Variants in MCL1 observed in about 807,000 individuals in gnomAD.
The protein encoded by MCL1 is MCL1 apoptosis regulator, BCL2 family member, also known as induced myeloid leukemia cell differentiation protein Mcl-1.
A neutral mutation model predicts 24.2 loss-of-function variants in MCL1; 4 were observed. That is an observed-to-expected ratio of 0.17 (90% CI 0.08 to 0.38). The LOEUF (loss-of-function observed/expected upper bound fraction) is 0.38, where lower values mean the gene tolerates loss of function less well. Ranked by LOEUF, MCL1 falls within the 10% of genes least tolerant of loss-of-function variation. The pLI is 1.00. For synonymous variants in MCL1, 248 were observed against 214.0 expected (o/e 1.16, Z -1.39); for missense variants, 529 against 480.3 (o/e 1.10, Z -0.95).
In MCL1 at chr1:150,574,563, A is replaced by C; in HGVS notation, c.*2812T>G. ...GACCCATATCACACCCTGTATTTGAATAAAAGATTTATTTTTTTTTCTCAG... is the reference window on the plus strand; with the variant it reads ...GACCCATATCACACCCTGTATTTGACTAAAAGATTTATTTTTTTTTCTCAG... On this transcript the variant is annotated 3_prime_UTR_variant, in exon 3 of 3. Coordinates refer to ENST00000369026, the MANE Select transcript of MCL1 (RefSeq NM_021960.5). 4.4e-6 allele frequency: 1 copy of C among 225,192 alleles called. No individual in the cohort carries two copies. The highest frequency in any genetic ancestry group is 5.7e-5 in the Admixed American group (1 of 17,506). The allele number at this position is 225,192 out of a possible 1,614,324, so 13.9% of individuals were successfully genotyped here.
rs74124936 is a variant in MCL1, at chr1:150,577,012, C to G, written c.*363G>C. 1 of 286,672 alleles carries G rather than the reference C, an allele frequency of 3.5e-6. No homozygotes were observed. Among genetic ancestry groups the G allele is most frequent in the Non-Finnish European group, 6.7e-6 (1 of 148,366 alleles). The allele number at this position is 286,672 out of a possible 1,614,324, so 17.8% of individuals were successfully genotyped here. ...CACTACAGTAAATTAATGAATTCGG[C>G]GGGTAATCAATTCTATGACTTGCCT... On this transcript the variant is annotated 3_prime_UTR_variant, in exon 3 of 3. Coordinates refer to ENST00000369026, the MANE Select transcript of MCL1 (RefSeq NM_021960.5).
chr1:150,579,574 C>T lies in MCL1; in HGVS notation c.-44G>A, dbSNP rs754200797. 1.3e-6 allele frequency: 2 copies of T among 1,556,454 alleles called. No individual in the cohort carries two copies. Among genetic ancestry groups the T allele is most frequent in the Non-Finnish European group, 1.7e-6 (2 of 1,149,538 alleles). ...CCTGGCTGAGAAAACTGGGGAAGAC[C>T]CCGACTCCTTACTGGAAGGAAGCGG... On this transcript the variant is annotated 5_prime_UTR_variant, in exon 1 of 3. Transcript: ENST00000369026.
At position 150,579,410 on chromosome 1, in the gene MCL1, CCTT is replaced by C. The variant is rs757773408; in HGVS notation, c.118_120del (p.Lys40del). 15 of 1,577,678 alleles carry C rather than the reference CCTT, an allele frequency of 9.5e-6. No individual in the cohort carries two copies. Among genetic ancestry groups the C allele is most frequent in the Admixed American group, 3.7e-5 (2 of 54,258 alleles). ...CCTATCTCTCGCCGGGCCGAGGCCT[CCTT>C]CTCCGTAGCCAAAAGTCGCCCTCCC... is the stretch of plus-strand genomic sequence containing the variant. On this transcript the variant is annotated inframe_deletion, in exon 1 of 3. Transcript: ENST00000369026.
Position 150,579,479 on chromosome 1 carries a change from C to A in MCL1, c.52G>T (p.Gly18Trp), listed in dbSNP as rs753196937. The A allele has an allele frequency of 1.9e-6, 3 of 1,595,148 alleles. No individual in the cohort carries two copies. In the South Asian group the frequency reaches 3.3e-5, roughly 18 times the overall value. Residue 18 changes from glycine to tryptophan, a missense_variant, in exon 1 of 3, where the codon GGG (glycine) becomes TGG (tryptophan). Coordinates refer to ENST00000369026, the MANE Select transcript of MCL1 (RefSeq NM_021960.5). The stretch of plus-strand genomic sequence containing the variant: ...CCGCTGCCGGCCCCCAAGCCGGCCC[C>A]CCCACAGTAGAGGTTGAGTCCGATT... The part of the protein sequence containing the change: ...AVIGLNLYCG[G>W]AGLGAGSGGA...
chr1:150,579,602 G>GACTGAATTTGGATTTTTCTACA lies in MCL1; in HGVS notation c.-73_-72insTGTAGAAAAATCCAAATTCAGT. 1 of 1,468,924 alleles carries GACTGAATTTGGATTTTTCTACA rather than the reference G, an allele frequency of 6.8e-7. No individual in the cohort carries two copies. The highest frequency in any genetic ancestry group is 2.1e-5 in the Admixed American group (1 of 47,790). 91.0% of individuals were successfully genotyped at this position (1,468,924 alleles called of 1,614,324 possible). ...GACTCCTTACTGGAAGGAAGCGGAA[G>GACTGAATTTGGATTTTTCTACA]TGAGAAGTGGCGAGCAGCTCCTTTA... On this transcript the variant is annotated 5_prime_UTR_variant, in exon 1 of 3. It adds an upstream start codon to the 5' untranslated region. Transcript: ENST00000369026.
chr1:150,577,270 C>T lies in MCL1; in HGVS notation c.*105G>A, dbSNP rs1647847895. ...GCCACTTGCTTTTCTGGCTAGGTTG[C>T]TAGGGTGCAACTCTAGGAAGTTACA... On this transcript the variant is annotated 3_prime_UTR_variant, in exon 3 of 3. Coordinates refer to ENST00000369026, the MANE Select transcript of MCL1 (RefSeq NM_021960.5). 4.1e-6 allele frequency: 6 copies of T among 1,453,818 alleles called. No homozygotes were observed. The African/African-American group carries it at 8.8e-5, about 21-fold the overall frequency. 90.1% of individuals were successfully genotyped at this position (1,453,818 alleles called of 1,614,324 possible).
chr1:150,576,208 C>A lies in MCL1; in HGVS notation c.*1167G>T. 2 of 232,818 alleles carry A rather than the reference C, an allele frequency of 8.6e-6. No individual in the cohort carries two copies. Among genetic ancestry groups the A allele is most frequent in the Non-Finnish European group, 8.5e-6 (1 of 117,798 alleles). 14.4% of individuals were successfully genotyped at this position (232,818 alleles called of 1,614,324 possible). A position where few individuals can be genotyped will look rare whatever the true frequency, so the allele number is the denominator to read the frequency against. On this transcript the variant is annotated 3_prime_UTR_variant, in exon 3 of 3. Transcript: ENST00000369026. ...TTTAGTAAAAGCTTTAAAGATGAGC[C>A]CATGAATTCACTTTAAATTTCACCA...
rs2101693475 is a variant in MCL1 at position 150,577,428 on chromosome 1, C to T, written c.1000G>A (p.Ala334Thr). The T allele has an allele frequency of 1.2e-6, 2 of 1,613,928 alleles. No homozygotes were observed. Among genetic ancestry groups the T allele is most frequent in the Non-Finnish European group, 8.5e-7 (1 of 1,179,952 alleles). Residue 334 changes from alanine (A) to threonine (T), a missense_variant, in exon 3 of 3, where the codon GCT becomes ACT. By Grantham distance (58) the Ala-to-Thr change is moderately conservative. Transcript: ENST00000369026. ...LEGGIRNVLL[A>T]FAGVAGVGAG... ...CCTACTCCAGCAACACCTGCAAAAGCCAGCAGCACATTCCTGATGCCACCT... is the reference window on the plus strand; with the variant it reads ...CCTACTCCAGCAACACCTGCAAAAGTCAGCAGCACATTCCTGATGCCACCT...
At position 150,576,891 on chromosome 1, in the gene MCL1, G is replaced by A. The variant is rs942168832; in HGVS notation, c.*484C>T. ...TACTGGGAAAGCTAATTAGAGAGAGGAAAAGCTTCCCTTGTACAGTACTGA... is the reference window on the plus strand; with the variant it reads ...TACTGGGAAAGCTAATTAGAGAGAGAAAAAGCTTCCCTTGTACAGTACTGA... On this transcript the variant is annotated 3_prime_UTR_variant, in exon 3 of 3. Transcript: ENST00000369026. 6 of 233,674 alleles carry A rather than the reference G, an allele frequency of 2.6e-5. No individual in the cohort carries two copies. The highest frequency in any genetic ancestry group is 5.6e-5 in the Admixed American group (1 of 17,820). 14.5% of individuals were successfully genotyped at this position (233,674 alleles called of 1,614,324 possible).
Position 150,577,354 on chromosome 1 carries a change from A to G in MCL1, c.*21T>C, listed in dbSNP as rs200971785. ...GGTGGTGGTGGTTGGTTAAAAGTCA[A>G]CTATTGCACTTACAGTAAGGCTATC... On this transcript the variant is annotated 3_prime_UTR_variant, in exon 3 of 3. Coordinates refer to ENST00000369026, the MANE Select transcript of MCL1 (RefSeq NM_021960.5). 1.7e-4 allele frequency: 266 copies of G among 1,608,486 alleles called. 2 individuals are homozygous for G. In the African/African-American group the frequency reaches 3.3e-3, roughly 20 times the overall value.
rs1276928401 is a variant in MCL1 at position 150,579,168 on chromosome 1, C to G, written c.363G>C (p.Ser121=). The part of the protein sequence containing the change: ...MEAPAADAIM[S]PEEELDGYEP... ...CGTACCCGTCCAGCTCCTCTTCGGG[C>G]GACATGATGGCGTCAGCGGCCGGGG... is the stretch of plus-strand genomic sequence containing the variant. Residue 121 remains serine, a synonymous_variant, in exon 1 of 3, where the codon TCG becomes TCC. Transcript: ENST00000369026. 6.2e-7 allele frequency: 1 copy of G among 1,609,182 alleles called. No homozygotes were observed. The highest frequency in any genetic ancestry group is 8.5e-7 in the Non-Finnish European group (1 of 1,179,096).
rs1647722933 is a variant in MCL1 at position 150,574,891 on chromosome 1, T to G, written c.*2484A>C. The G allele has an allele frequency of 1.3e-5, 3 of 233,136 alleles. No individual in the cohort carries two copies. Among genetic ancestry groups the G allele is most frequent in the Non-Finnish European group, 2.5e-5 (3 of 118,028 alleles). 14.4% of individuals were successfully genotyped at this position (233,136 alleles called of 1,614,324 possible). A position where few individuals can be genotyped will look rare whatever the true frequency, so the allele number is the denominator to read the frequency against. ...CCAGTCAGCACTTAGACCACCTGCC[T>G]CCTCCTCCCCCTATAAACCCACCAC... On this transcript the variant is annotated 3_prime_UTR_variant, in exon 3 of 3. Coordinates refer to ENST00000369026, the MANE Select transcript of MCL1 (RefSeq NM_021960.5).
In MCL1 at chr1:150,578,807, G is replaced by C. The variant is rs773102079; in HGVS notation, c.688+36C>G. On this transcript the variant is annotated intron_variant, in intron 1 of 2. Coordinates refer to ENST00000369026, the MANE Select transcript of MCL1 (RefSeq NM_021960.5). ...TGAGTCCGGGGAGAGATGGAAAAAA[G>C]GGAGTGAGGCCTTGGCGATTAATGA... The C allele has an allele frequency of 8.9e-6, 14 of 1,579,340 alleles. No homozygotes were observed. The Admixed American group carries it at 2.0e-4, about 22-fold the overall frequency.
rs1423081957 is a variant in MCL1 at position 150,576,577 on chromosome 1, T to C, written c.*798A>G. On this transcript the variant is annotated 3_prime_UTR_variant, in exon 3 of 3. Transcript: ENST00000369026. ...CATAGAAAAGCTGTAAGAAACAGGT[T>C]CCTAATTACGGAAGTTGCAAAGTTC... The C allele has an allele frequency of 4.3e-6, 1 of 232,472 alleles. No homozygotes were observed. The highest frequency in any genetic ancestry group is 8.5e-6 in the Non-Finnish European group (1 of 117,452). 14.4% of individuals were successfully genotyped at this position (232,472 alleles called of 1,614,324 possible).
intron 2 of MCL1, 125 bp from the exon 3 acceptor site, chr1:150,577,616 T>C: frequency 9.7e-7 from 1 of 1,030,000 alleles, no homozygotes; most frequent in Non-Finnish European, 1.4e-6. Flanking sequence ...GTAAACCAAT[T>C]ATTATTCACC....
rs1464042467 is a variant in MCL1 at position 150,575,958 on chromosome 1, T to C, written c.*1417A>G. The C allele has an allele frequency of 5.1e-5, 12 of 233,608 alleles. No homozygotes were observed. The East Asian group carries it at 7.2e-4, about 14-fold the overall frequency. The allele number at this position is 233,608 out of a possible 1,614,324, so 14.5% of individuals were successfully genotyped here. A position where few individuals can be genotyped will look rare whatever the true frequency, so the allele number is the denominator to read the frequency against. Reference sequence around the variant, plus strand: ...AACTTGCAACAAGGTTTGGGAATCATTAATAGAAACAAAACAGTAAGTATT... The same window carrying C: ...AACTTGCAACAAGGTTTGGGAATCACTAATAGAAACAAAACAGTAAGTATT... On this transcript the variant is annotated 3_prime_UTR_variant, in exon 3 of 3. Coordinates refer to ENST00000369026, the MANE Select transcript of MCL1 (RefSeq NM_021960.5).
chr1:150,578,410 C>G lies in MCL1; in HGVS notation c.770G>C (p.Gly257Ala). The change falls in exon 2 of 3, where the codon GGC (glycine) becomes GCC (alanine). Residue 257 changes from glycine (G) to alanine (A), a missense_variant. By Grantham distance (60) the Gly-to-Ala change is moderately conservative. Coordinates refer to ENST00000369026, the MANE Select transcript of MCL1 (RefSeq NM_021960.5). ...SRVMIHVFSD[G>A]VTNWGRIVTL... ...CACAATCCTGCCCCAGTTTGTTACG[C>G]CGTCGCTGAAAACATGGATCATCAC... 1 of 1,614,218 alleles carries G rather than the reference C, an allele frequency of 6.2e-7. No homozygotes were observed. Among genetic ancestry groups the G allele is most frequent in the Non-Finnish European group, 8.5e-7 (1 of 1,180,038 alleles).
rs1570983314 is a variant in MCL1 at position 150,579,112 on chromosome 1, A to G, written c.419T>C (p.Val140Ala). The G allele has an allele frequency of 6.2e-7, 1 of 1,612,906 alleles. No individual in the cohort carries two copies. Among genetic ancestry groups the G allele is most frequent in the South Asian group, 1.1e-5 (1 of 91,090 alleles). ...EPEPLGKRPA[V>A]LPLLELVGES... ...CCCGACCAACTCCAGCAGCGGCAGG[A>G]CAGCCGGCCGCTTCCCGAGAGGCTC... Residue 140 changes from valine to alanine, a missense_variant, in exon 1 of 3, where the codon GTC (valine) becomes GCC (alanine). Val to Ala is a moderately conservative substitution (Grantham distance 64). Transcript: ENST00000369026.
At chr1:150,578,799 G>A (rs758729965) in intron 1 of MCL1, 44 bp downstream of exon 1, 32 of 1,570,840 alleles carry the variant, frequency 2.0e-5, no homozygotes, top group East Asian at 4.5e-5. Context: ...GGGGAGAGAT[G>A]GAAAAAAGGG....
Sources: allele counts gnomAD v4.1 joint callset, GRCh38; gene constraint gnomAD v4.1.1; transcripts MANE v1.5; gene names NCBI Gene and HGNC (gene_info 2026-07-23, HGNC 2026-07-21).